Variants in TSPAN7 observed in about 807,000 individuals in gnomAD.
The protein encoded by TSPAN7 is tetraspanin 7.
In TSPAN7, 1 loss-of-function variant was observed where a neutral mutation model predicts 17.6. The observed-to-expected ratio is 0.06, with a 90% CI of 0.02 to 0.27. The LOEUF is 0.27. Ranked by LOEUF, TSPAN7 falls within the 10% of genes least tolerant of loss-of-function variation. TSPAN7 has a pLI of 1.00. For synonymous variants in TSPAN7, 78 were observed against 79.0 expected (o/e 0.99, Z 0.07); for missense variants, 112 against 201.7 (o/e 0.56, Z 2.69).
intron 6 of TSPAN7, among the ~76,000 whole-genome samples, chrX:38,683,329 A>C (rs747003756): frequency 8.9e-6 from 1 of 112,824 alleles, no homozygotes; most frequent in Non-Finnish European, 1.9e-5. Flanking sequence ...TAGACAAATA[A>C]TTATCTGGCC....
chrX:38,688,677 T>G lies in TSPAN7; in HGVS notation c.*746T>G, dbSNP rs903170030. On this transcript the variant is annotated 3_prime_UTR_variant, in exon 8 of 8. Transcript: ENST00000378482. ...CTTGTGAAGGCCATGATATTTTGTT[T>G]TTCCCCAATTAATTGCTATTGTGTT... 8.9e-6 allele frequency: 1 copy of G among 112,522 alleles called. No individual in the cohort carries two copies. Among genetic ancestry groups the G allele is most frequent in the Non-Finnish European group, 1.9e-5 (1 of 53,289 alleles). 9.3% of individuals were successfully genotyped at this position (112,522 alleles called of 1,213,427 possible). A position where few individuals can be genotyped will look rare whatever the true frequency, so the allele number is the denominator to read the frequency against.
intron 1 of TSPAN7, among the ~76,000 whole-genome samples, chrX:38,572,167 G>A (rs1336857235): frequency 3.6e-5 from 4 of 111,906 alleles, no homozygotes; most frequent in African/African-American, 1.3e-4. Context: ...TAGTCTGTGA[G>A]TGAAGCAGAT....
intron 1 of TSPAN7, among the ~76,000 whole-genome samples, chrX:38,663,710 A>C (rs939199667): frequency 8.9e-6 from 1 of 112,359 alleles, no homozygotes; most frequent in Non-Finnish European, 1.9e-5. Context: ...AAAAGGCATT[A>C]AAATGATCTT....
intron 6 of TSPAN7, among the ~76,000 whole-genome samples, chrX:38,683,699 C>T (rs1460584496): frequency 5.3e-5 from 6 of 112,737 alleles, no homozygotes; most frequent in Non-Finnish European, 1.1e-4. Context: ...CTGTCAGCCT[C>T]AGGGGTCCTG....
chrX:38,640,809 C>T lies in TSPAN7; in HGVS notation c.82-25312C>T, dbSNP rs188374341. Among the ~76,000 whole-genome samples, 161 of 112,399 alleles carry T rather than the reference C, an allele frequency of 1.4e-3. 1 individual carries two copies. Among genetic ancestry groups the T allele is most frequent in the African/African-American group, 4.9e-3 (150 of 30,921 alleles). ...AAGATCTATCTCACACTTCTCAAAT[C>T]ACATTAAGTAGGAGACATCTTCCTA... On this transcript the variant is annotated intron_variant, in intron 1 of 7. Coordinates refer to ENST00000378482, the MANE Select transcript of TSPAN7 (RefSeq NM_004615.4).
intron 1 of TSPAN7, among the ~76,000 whole-genome samples, chrX:38,608,837 ATAACT>A (rs1050165848): frequency 1.4e-4 from 16 of 111,721 alleles, no homozygotes; most frequent in Admixed American, 1.4e-3. Flanking sequence ...TGCTATCCAA[ATAACT>A]TAACCACCTT....
At chrX:38,603,847 TTTTATTTA>T (rs200326952) in intron 1 of TSPAN7, among the ~76,000 whole-genome samples, 53 of 109,071 alleles carry the variant, frequency 4.9e-4, no homozygotes, top group Non-Finnish European at 8.8e-4. Context: ...TCTTTTGTAT[TTTTATTTA>T]TTTATTTATT....
At chrX:38,666,472 A>T (rs1256057143) in intron 2 of TSPAN7, among the ~76,000 whole-genome samples, 163 bp downstream of exon 2, 1 of 111,544 alleles carries the variant, frequency 9.0e-6, no homozygotes, top group Non-Finnish European at 1.9e-5. Flanking sequence ...AGGTAAAAAC[A>T]ACCCCAAACA....
intron 1 of TSPAN7, among the ~76,000 whole-genome samples, chrX:38,565,697 G>T (rs2069139045): frequency 8.9e-6 from 1 of 112,299 alleles, no homozygotes; most frequent in Admixed American, 9.4e-5. Context: ...GCATCATAAA[G>T]GTTGACATAC....
At chrX:38,562,946 C>T in intron 1 of TSPAN7, 1 of 956,155 alleles carries the variant, frequency 1.0e-6, no homozygotes, top group Non-Finnish European at 1.3e-6. Context: ...CACCCACCAC[C>T]ATATATTAGC....
At chrX:38,607,388 T>A in intron 1 of TSPAN7, among the ~76,000 whole-genome samples, 1 of 111,576 alleles carries the variant, frequency 9.0e-6, no homozygotes, top group Non-Finnish European at 1.9e-5. Context: ...TGCTTTTTTT[T>A]CCTCTCTCTC....
chrX:38,624,553 G>A (rs1040955332), intron 1 of TSPAN7, among the ~76,000 whole-genome samples: 2 of 112,368 alleles, frequency 1.8e-5, no homozygotes, highest in African/African-American at 6.5e-5. Flanking sequence ...GAAGAAATAG[G>A]TTTCAGTTAT....
chrX:38,649,912 C>T (rs2069666708), intron 1 of TSPAN7, among the ~76,000 whole-genome samples: 1 of 112,055 alleles, frequency 8.9e-6, no homozygotes, highest in Non-Finnish European at 1.9e-5. Context: ...TGGCCTTGCC[C>T]TCATCACAGC....
intron 1 of TSPAN7, among the ~76,000 whole-genome samples, chrX:38,639,136 G>C (rs760639634): frequency 9.0e-6 from 1 of 111,282 alleles, no homozygotes; most frequent in Non-Finnish European, 1.9e-5. Flanking sequence ...GGGACTTCTC[G>C]TGTGATAATG....
At chrX:38,631,994 C>T (rs1351828100) in intron 1 of TSPAN7, among the ~76,000 whole-genome samples, 1 of 111,993 alleles carries the variant, frequency 8.9e-6, no homozygotes, top group Non-Finnish European at 1.9e-5. Context: ...AGCTCTGGCA[C>T]ATCTTTGATA....
intron 2 of TSPAN7, among the ~76,000 whole-genome samples, chrX:38,669,708 A>T (rs1569314889): frequency 8.9e-6 from 1 of 112,425 alleles, no homozygotes; most frequent in Non-Finnish European, 1.9e-5. Flanking sequence ...AACCTCATTA[A>T]TTGCAAAACA....
chrX:38,619,978 T>C (rs1186266899), intron 1 of TSPAN7, among the ~76,000 whole-genome samples: 1 of 112,346 alleles, frequency 8.9e-6, no homozygotes, highest in Non-Finnish European at 1.9e-5. Flanking sequence ...CTATCCCCTG[T>C]GCTAGAGAAA....
chrX:38,626,461 G>A (rs2069523468), intron 1 of TSPAN7, among the ~76,000 whole-genome samples: 1 of 111,878 alleles, frequency 8.9e-6, no homozygotes, highest in South Asian at 3.8e-4. Flanking sequence ...CATCAGGAGA[G>A]CAGGATGACT....
At chrX:38,584,776 C>G (rs2069249012) in intron 1 of TSPAN7, among the ~76,000 whole-genome samples, 1 of 111,901 alleles carries the variant, frequency 8.9e-6, no homozygotes, top group African/African-American at 3.2e-5. Context: ...GAAGCCACTT[C>G]AGTTCCCCTC....
Sources: gnomAD v4.1 joint callset for allele counts (sites outside exome capture counted in the v4.1 genomes callset) on GRCh38, gnomAD v4.1.1 for gene constraint, MANE v1.5 for transcripts, NCBI Gene and HGNC (gene_info 2026-07-23, HGNC 2026-07-21) for gene names.